The following SBK1 variants were observed in gnomAD, a reference collection of about 807,000 sequenced individuals.
The protein encoded by SBK1 is SH3 domain binding kinase 1.
Under a neutral mutation model 24.4 loss-of-function variants are expected in SBK1, and 11 were observed. That is an observed-to-expected ratio of 0.45 (90% confidence interval 0.28 to 0.75). SBK1 has a LOEUF of 0.75. SBK1 is among the 30% of genes least tolerant of loss of function. The probability of loss-of-function intolerance (pLI) is 0.12; values close to 1 mark genes in which losing one functional copy is unlikely to be tolerated. For synonymous variants in SBK1, 308 were observed against 284.4 expected (o/e 1.08, Z -0.83); for missense variants, 467 against 620.5 (o/e 0.75, Z 2.63).
chr16:28,280,543 A>G (rs1035349234), intron 1 of SBK1, among the ~76,000 whole-genome samples: 9 of 151,688 alleles, frequency 5.9e-5, no homozygotes, highest in African/African-American at 2.2e-4. Flanking sequence ...AAGAGGGTCC[A>G]GCTTTAACCC....
rs1475609165 is a variant in SBK1 at position 28,322,919 on chromosome 16, GCTCTCTCTCTCCCTCTCTCTCTCTCT to G, written c.*2010_*2035del. ...CGTGCTCGCTCTCTCTCTCGCGCGC[GCTCTCTCTCTCCCTCTCTCTCTCTCT>G]CTCTCTCTCTCTCTCTCTCTCTCTC... On this transcript the variant is annotated 3_prime_UTR_variant, in exon 4 of 4. Transcript: ENST00000341901. 0.019 allele frequency: 1,125 copies of G among 58,124 alleles called. 44 individuals are homozygous for G. The highest frequency in any genetic ancestry group is 0.062 in the Middle Eastern group (6 of 96). The allele number at this position is 58,124 out of a possible 1,614,324, so 3.6% of individuals were successfully genotyped here.
chr16:28,293,322 G>A, intron 1 of SBK1, 22 bp downstream of exon 1: 1 of 981,930 alleles, frequency 1.0e-6, no homozygotes, highest in Non-Finnish European at 1.2e-6. Flanking sequence ...CCAGGTGAGG[G>A]GCGGCAGGTG....
Position 28,322,919 on chromosome 16 carries a change from GCTCTCTCT to G in SBK1, c.*2002_*2009del, listed in dbSNP as rs1290885145. ...CGTGCTCGCTCTCTCTCTCGCGCGC[GCTCTCTCT>G]CTCCCTCTCTCTCTCTCTCTCTCTC... On this transcript the variant is annotated 3_prime_UTR_variant, in exon 4 of 4. Coordinates refer to ENST00000341901, the MANE Select transcript of SBK1 (RefSeq NM_001024401.3). 2.8e-4 allele frequency: 16 copies of G among 58,128 alleles called. No homozygotes were observed. The highest frequency in any genetic ancestry group is 8.4e-4 in the South Asian group (1 of 1,184). 3.6% of individuals were successfully genotyped at this position (58,128 alleles called of 1,614,324 possible). A position where few individuals can be genotyped will look rare whatever the true frequency, so the allele number is the denominator to read the frequency against.
intron 1 of SBK1, among the ~76,000 whole-genome samples, chr16:28,283,390 G>C (rs2044545729): frequency 6.6e-6 from 1 of 152,146 alleles, no homozygotes. Flanking sequence ...CGATGACAAG[G>C]ATTCTCTCTT....
intron 1 of SBK1, among the ~76,000 whole-genome samples, chr16:28,294,594 T>C (rs1401579931): frequency 1.3e-5 from 2 of 152,214 alleles, no homozygotes; most frequent in East Asian, 1.9e-4. Context: ...ATTGGGCCTG[T>C]TGAAGTGGAC....
At chr16:28,271,633 T>C (rs2044466348) in intron 1 of SBK1, among the ~76,000 whole-genome samples, 1 of 152,078 alleles carries the variant, frequency 6.6e-6, no homozygotes, top group Non-Finnish European at 1.5e-5. Flanking sequence ...GAAGAGAATC[T>C]CGCAGTTCAC....
chr16:28,311,986 G>C (rs1466396466), intron 1 of SBK1, among the ~76,000 whole-genome samples: 2 of 152,282 alleles, frequency 1.3e-5, no homozygotes, highest in African/African-American at 4.8e-5. Flanking sequence ...AGAGTACACA[G>C]AACAGCCTGA....
In SBK1 at chr16:28,320,447, G is replaced by T. The variant is rs751766429; in HGVS notation, c.801G>T (p.Val267=). 3 of 1,580,526 alleles carry T rather than the reference G, an allele frequency of 1.9e-6. No individual in the cohort carries two copies. The highest frequency in any genetic ancestry group is 1.1e-5 in the South Asian group (1 of 90,090). ...CCGACGCCTTCTTCGAGGAGTTCGT[G>T]CGCTGGCAGCGGGGCCGCCTGCCGG... ...SGADAFFEEF[V]RWQRGRLPGL... Residue 267 remains valine (V), a synonymous_variant, in exon 4 of 4, where the codon GTG becomes GTT. Transcript: ENST00000341901. This position sits in a 1 kb window ranked among gnomAD's most constrained non-coding sequence, Gnocchi z 8.5.
upstream of SBK1, among the ~76,000 whole-genome samples, chr16:28,288,216 G>A (rs541832652): frequency 2.0e-4 from 30 of 152,120 alleles, no homozygotes; most frequent in Admixed American, 1.4e-3. Flanking sequence ...CTGCCTGTTC[G>A]AGGAGTCCTG....
At chr16:28,294,085 A>G (rs1305342643) in intron 1 of SBK1, among the ~76,000 whole-genome samples, 1 of 152,012 alleles carries the variant, frequency 6.6e-6, no homozygotes, top group Non-Finnish European at 1.5e-5. Flanking sequence ...AGGTTAAACC[A>G]AGGGTTGGCT....
chr16:28,284,440 G>A (rs182604164), intron 1 of SBK1, among the ~76,000 whole-genome samples: 2 of 152,368 alleles, frequency 1.3e-5, no homozygotes, highest in African/African-American at 4.8e-5. Context: ...CATGGGCGGG[G>A]TCAGGACCCA....
chr16:28,296,756 A>T (rs2044643729), intron 1 of SBK1, among the ~76,000 whole-genome samples: 1 of 152,152 alleles, frequency 6.6e-6, no homozygotes, highest in South Asian at 2.1e-4. Context: ...TCCAGCAACC[A>T]AAAACCTGTT....
intron 1 of SBK1, among the ~76,000 whole-genome samples, chr16:28,311,313 G>T (rs566875987): frequency 6.6e-6 from 1 of 152,172 alleles, no homozygotes; most frequent in Admixed American, 6.5e-5. Flanking sequence ...GAGTCAGCAC[G>T]TGTGAGGGCA....
At chr16:28,302,633 G>T (rs1201990577) in intron 1 of SBK1, among the ~76,000 whole-genome samples, 7 of 152,138 alleles carry the variant, frequency 4.6e-5, no homozygotes, top group Admixed American at 2.6e-4. Context: ...CTGGTCTCTT[G>T]GTTCCTTTTA....
chr16:28,318,932 G>T, intron 2 of SBK1, 63 bp from the exon 3 acceptor site: 1 of 1,210,278 alleles, frequency 8.3e-7, no homozygotes, highest in Non-Finnish European at 1.2e-6. Flanking sequence ...ACAGGCATGG[G>T]TGCATCCAGT....
chr16:28,303,637 C>T (rs190887569), intron 1 of SBK1, among the ~76,000 whole-genome samples: 44 of 150,602 alleles, frequency 2.9e-4, no homozygotes, highest in African/African-American at 1.0e-3. Context: ...ACTTCAGTCT[C>T]CTGAGTAGCT....
chr16:28,323,028 T>C lies in SBK1; in HGVS notation c.*2107T>C, dbSNP rs540066425. ...CTCTGTTAAGATCCTGTTCGGGAGTTTCCCCAGCCGTTGTAGTATCTAGTA... is the reference window on the plus strand; with the variant it reads ...CTCTGTTAAGATCCTGTTCGGGAGTCTCCCCAGCCGTTGTAGTATCTAGTA... On this transcript the variant is annotated 3_prime_UTR_variant, in exon 4 of 4. Coordinates refer to ENST00000341901, the MANE Select transcript of SBK1 (RefSeq NM_001024401.3). 5.9e-5 allele frequency: 8 copies of C among 136,678 alleles called. No individual in the cohort carries two copies. Among genetic ancestry groups the C allele is most frequent in the Admixed American group, 2.3e-4 (3 of 12,834 alleles). The allele number at this position is 136,678 out of a possible 1,614,324, so 8.5% of individuals were successfully genotyped here. A position where few individuals can be genotyped will look rare whatever the true frequency, so the allele number is the denominator to read the frequency against.
At chr16:28,291,698 C>T (rs1363106199), upstream of SBK1, 4 of 152,248 alleles carry the variant, frequency 2.6e-5, no homozygotes, top group East Asian at 7.7e-4. Context: ...CCCCATCCAC[C>T]CACTTCATCC....
At chr16:28,294,744 A>G (rs1007413394) in intron 1 of SBK1, among the ~76,000 whole-genome samples, 1 of 151,866 alleles carries the variant, frequency 6.6e-6, no homozygotes, top group Non-Finnish European at 1.5e-5. Context: ...CCCCACCCCC[A>G]CCTGCTGCTG....
Sources: allele counts gnomAD v4.1 joint callset (sites outside exome capture counted in the v4.1 genomes callset), GRCh38; gene constraint gnomAD v4.1.1; non-coding constraint Gnocchi (gnomAD v3.1); transcripts MANE v1.5; gene names NCBI Gene and HGNC (gene_info 2026-07-23, HGNC 2026-07-21).